PCDH15: variants seen among roughly 807,000 people sequenced by gnomAD.
The protein encoded by PCDH15 is protocadherin related 15.
Under a neutral mutation model 178.5 loss-of-function variants are expected in PCDH15, and 129 were observed. The observed-to-expected ratio is 0.72, with a 90% CI of 0.63 to 0.84. The LOEUF (loss-of-function observed/expected upper bound fraction) is 0.84. Ranked by LOEUF, PCDH15 falls within the 40% of genes least tolerant of loss-of-function variation. The probability of loss-of-function intolerance (pLI) is 0.00; values close to 1 mark genes in which losing one functional copy is unlikely to be tolerated. For missense variants in PCDH15, 2,230 were observed against 2,099.9 expected (o/e 1.06, Z -1.21); for synonymous variants, 800 against 732.0 (o/e 1.09, Z -1.50).
chr10:53,922,395 C>T (rs969041551), intron 25 of PCDH15, among the ~76,000 whole-genome samples: 1 of 151,970 alleles, frequency 6.6e-6, no homozygotes, highest in Admixed American at 6.6e-5. Flanking sequence ...CTCAAATACC[C>T]TTATGAGGTG....
chr10:54,555,903 A>G (rs2087197653), intron 2 of PCDH15, among the ~76,000 whole-genome samples: 1 of 152,116 alleles, frequency 6.6e-6, no homozygotes, highest in Non-Finnish European at 1.5e-5. Context: ...TTATTGGGGA[A>G]GAACACCTCA....
At chr10:54,356,370 C>A (rs1270709284) in intron 5 of PCDH15, among the ~76,000 whole-genome samples, 2 of 151,310 alleles carry the variant, frequency 1.3e-5, no homozygotes, top group African/African-American at 4.9e-5. Context: ...AAAATTGAGA[C>A]TAAAAAAATT....
At chr10:54,168,283 C>T (rs1014167055) in intron 13 of PCDH15, among the ~76,000 whole-genome samples, 1 of 152,092 alleles carries the variant, frequency 6.6e-6, no homozygotes. Context: ...ACACATCAGT[C>T]CCTTCCTAGT....
chr10:55,462,453 G>T (rs954312124), intron 2 of PCDH15, among the ~76,000 whole-genome samples: 2 of 152,122 alleles, frequency 1.3e-5, no homozygotes, highest in South Asian at 4.1e-4. Context: ...CATTTTTCTG[G>T]CCAGGAAATT....
intron 2 of PCDH15, among the ~76,000 whole-genome samples, chr10:55,020,010 T>G (rs954087202): frequency 9.2e-5 from 14 of 151,626 alleles, no homozygotes; most frequent in African/African-American, 3.1e-4. Context: ...ATGTCATTTT[T>G]GGAAATTCTC....
intron 2 of PCDH15, among the ~76,000 whole-genome samples, chr10:55,516,162 G>A: frequency 6.6e-6 from 1 of 152,004 alleles, no homozygotes; most frequent in Non-Finnish European, 1.5e-5. Flanking sequence ...TTATGGGAGG[G>A]ACCCGGTGGG....
At position 53,903,311 on chromosome 10, in the gene PCDH15, G is replaced by A. The variant is rs1200451014; in HGVS notation, c.3433C>T (p.Gln1145Ter). 1 of 1,612,984 alleles carries A rather than the reference G, an allele frequency of 6.2e-7. No individual in the cohort carries two copies. Among genetic ancestry groups the A allele is most frequent in the Non-Finnish European group, 8.5e-7 (1 of 1,179,464 alleles). ...ACACCTCCGATGTAGAATTTTTTCT[G>A]AAACACTGGGGGATGATTATTTTCA... ...QDENNHPPVFQKKFYIGGVSE... is the reference protein window; with the variant it reads ...QDENNHPPVF The change falls in exon 26 of 38, where the codon CAG (glutamine) becomes TAG (stop). Residue 1145 changes from glutamine (Q) to a stop codon, truncating the protein, a stop_gained. Coordinates refer to ENST00000644397, the MANE Select transcript of PCDH15 (RefSeq NM_001384140.1). LOFTEE classifies it high-confidence loss of function.
chr10:55,306,120 ATG>A (rs1843419188), intron 1 of PCDH15, among the ~76,000 whole-genome samples: 2 of 152,228 alleles, frequency 1.3e-5, no homozygotes, highest in African/African-American at 4.8e-5. Flanking sequence ...TTGTGAAAAT[ATG>A]GATAATCTAT....
intron 2 of PCDH15, among the ~76,000 whole-genome samples, chr10:55,104,019 G>T (rs1293020506): frequency 6.6e-6 from 1 of 151,816 alleles, no homozygotes; most frequent in African/African-American, 2.4e-5. Flanking sequence ...GAGGTTAGCA[G>T]GTTTATAGAT....
chr10:55,475,358 C>T (rs1565177134), intron 2 of PCDH15, among the ~76,000 whole-genome samples: 1 of 152,116 alleles, frequency 6.6e-6, no homozygotes, highest in South Asian at 2.1e-4. Context: ...TTATTTCTAA[C>T]TGTTATTATT....
chr10:55,200,329 G>A (rs1014181047), intron 1 of PCDH15, among the ~76,000 whole-genome samples: 1 of 152,130 alleles, frequency 6.6e-6, no homozygotes, highest in South Asian at 2.1e-4. Flanking sequence ...CTGCCCTGCT[G>A]TGTTTTGGAC....
intron 2 of PCDH15, among the ~76,000 whole-genome samples, chr10:55,088,018 C>A (rs753954165): frequency 1.1e-4 from 17 of 151,992 alleles, no homozygotes; most frequent in Non-Finnish European, 1.9e-4. Flanking sequence ...AAAACTGGAA[C>A]TAATAACACA....
chr10:55,456,247 AT>A (rs140201885), intron 2 of PCDH15, among the ~76,000 whole-genome samples: 4,262 of 152,220 alleles, frequency 0.028, 252 homozygotes, highest in East Asian at 0.22. Context: ...TTTTATTTGC[AT>A]GTGTATTTTG....
intron 1 of PCDH15, among the ~76,000 whole-genome samples, chr10:55,251,869 T>G (rs1317235748): frequency 6.6e-6 from 1 of 152,162 alleles, no homozygotes; most frequent in Non-Finnish European, 1.5e-5. Flanking sequence ...GATCCGCTAA[T>G]TGAGATTACT....
At chr10:54,042,758 C>G (rs1251370410) in intron 18 of PCDH15, among the ~76,000 whole-genome samples, 1 of 152,008 alleles carries the variant, frequency 6.6e-6, no homozygotes, top group Non-Finnish European at 1.5e-5. Context: ...GTCTGAGTGG[C>G]AAAATGGTGT....
chr10:53,935,576 A>G (rs1391431649), intron 25 of PCDH15, among the ~76,000 whole-genome samples: 1 of 152,192 alleles, frequency 6.6e-6, no homozygotes, highest in Non-Finnish European at 1.5e-5. Flanking sequence ...AGCATAGCCA[A>G]ACCCTTTGGT....
intron 2 of PCDH15, among the ~76,000 whole-genome samples, chr10:55,433,652 AT>A (rs1838946259): frequency 6.6e-6 from 1 of 151,038 alleles, no homozygotes; most frequent in South Asian, 2.1e-4. Flanking sequence ...AACATTTTTA[AT>A]TTTAATATAA....
intron 26 of PCDH15, among the ~76,000 whole-genome samples, chr10:53,888,099 T>C (rs1042078955): frequency 1.3e-5 from 2 of 151,256 alleles, no homozygotes; most frequent in Non-Finnish European, 2.9e-5. Flanking sequence ...AAAAATGCTA[T>C]TAATACTTTT....
intron 2 of PCDH15, among the ~76,000 whole-genome samples, chr10:55,038,784 A>C (rs1220250347): frequency 6.6e-6 from 1 of 152,164 alleles, no homozygotes; most frequent in Non-Finnish European, 1.5e-5. Flanking sequence ...TATGATCATC[A>C]TATTTCAAGG....
Sources: gnomAD v4.1 joint callset for allele counts (sites outside exome capture counted in the v4.1 genomes callset) on GRCh38, gnomAD v4.1.1 for gene constraint, MANE v1.5 for transcripts, NCBI Gene and HGNC (gene_info 2026-07-23, HGNC 2026-07-21) for gene names.